METTL15: variants seen among roughly 807,000 people sequenced by gnomAD.
The protein encoded by METTL15 is 12S rRNA N(4)-cytidine methyltransferase METTL15.
A neutral mutation model predicts 38.3 loss-of-function variants in METTL15; 34 were observed. The ratio of observed to expected loss-of-function variants is 0.89; its 90% confidence interval spans 0.68 to 1.18. The LOEUF (loss-of-function observed/expected upper bound fraction) is 1.18. Among genes scored for constraint, METTL15 ranks in the 50% most tolerant of loss-of-function variants. The pLI is 0.00. For synonymous variants in METTL15, 162 were observed against 170.9 expected, an observed-to-expected ratio of 0.95 and a Z score of 0.41; for missense variants, 438 against 498.4, an observed-to-expected ratio of 0.88 and a Z score of 1.15.
chr11:28,286,373 CT>C (rs1476156921), intron 4 of METTL15, among the ~76,000 whole-genome samples: 1 of 152,144 alleles, frequency 6.6e-6, no homozygotes, highest in Non-Finnish European at 1.5e-5. Flanking sequence ...GGCACTGTAG[CT>C]TAGCCAAGTT....
chr11:28,276,793 AT>A (rs1855859473), intron 4 of METTL15, among the ~76,000 whole-genome samples: 1 of 152,202 alleles, frequency 6.6e-6, no homozygotes, highest in African/African-American at 2.4e-5. Flanking sequence ...CAGCCAGCTG[AT>A]CTTTGACAAA....
intron 6 of METTL15, among the ~76,000 whole-genome samples, chr11:28,438,662 TTTC>T (rs917557098): frequency 2.6e-4 from 40 of 151,086 alleles, no homozygotes; most frequent in Non-Finnish European, 4.3e-4. Context: ...TTTTTTCTTT[TTTC>T]TTTTTTCTTT....
intron 6 of METTL15, among the ~76,000 whole-genome samples, chr11:28,440,647 A>G (rs745744200): frequency 6.6e-6 from 1 of 152,258 alleles, no homozygotes; most frequent in Admixed American, 6.5e-5. Flanking sequence ...TAAGATGCTT[A>G]TCTATCTAAA....
intron 6 of METTL15, among the ~76,000 whole-genome samples, chr11:28,500,010 T>TA (rs1851569166): frequency 2.3e-5 from 1 of 43,438 alleles, no homozygotes; most frequent in Non-Finnish European, 7.0e-5. Flanking sequence ...GAATTGCTAT[T>TA]TTTTTTTTTT....
At chr11:28,495,474 G>T (rs1851528341) in intron 6 of METTL15, among the ~76,000 whole-genome samples, 1 of 152,120 alleles carries the variant, frequency 6.6e-6, no homozygotes, top group Admixed American at 6.5e-5. Context: ...TTGTAAGGGG[G>T]GTGTCCACTA....
At chr11:28,228,934 G>A (rs1853584690) in intron 4 of METTL15, among the ~76,000 whole-genome samples, 1 of 151,902 alleles carries the variant, frequency 6.6e-6, no homozygotes, top group Non-Finnish European at 1.5e-5. Flanking sequence ...CCCCACAGGT[G>A]AGAAAGTAGT....
intron 5 of METTL15, among the ~76,000 whole-genome samples, chr11:28,390,325 A>T (rs370111974): frequency 2.7e-5 from 4 of 150,798 alleles, no homozygotes; most frequent in African/African-American, 4.8e-5. Flanking sequence ...CTGAATGGTA[A>T]TGCCTAGGTT....
intron 3 of METTL15, among the ~76,000 whole-genome samples, chr11:28,157,210 A>G (rs1388698534): frequency 1.3e-5 from 2 of 152,156 alleles, no homozygotes; most frequent in Non-Finnish European, 2.9e-5. Flanking sequence ...TTGTAGACCT[A>G]TTTGCATTTT....
chr11:28,349,398 T>C (rs1489970952), intron 3 of METTL15, among the ~76,000 whole-genome samples: 1 of 152,200 alleles, frequency 6.6e-6, no homozygotes, highest in Non-Finnish European at 1.5e-5. Flanking sequence ...CACACAGGGC[T>C]GTTTGACAAT....
intron 6 of METTL15, among the ~76,000 whole-genome samples, chr11:28,459,159 G>C (rs1851194925): frequency 1.3e-5 from 2 of 151,540 alleles, no homozygotes; most frequent in South Asian, 4.1e-4. Context: ...ATCCAAAATG[G>C]TAATTCAGCA....
intron 5 of METTL15, among the ~76,000 whole-genome samples, chr11:28,382,947 T>G (rs1011395610): frequency 7.4e-6 from 1 of 134,974 alleles, no homozygotes; most frequent in African/African-American, 2.8e-5. Flanking sequence ...ATATTGGTGA[T>G]GGTGACAATC....
chr11:28,357,402 A>G (rs1850099345), intron 4 of METTL15, among the ~76,000 whole-genome samples: 1 of 152,196 alleles, frequency 6.6e-6, no homozygotes, highest in Non-Finnish European at 1.5e-5. Context: ...TTTTCACATA[A>G]AAGAAAGTTC....
intron 3 of METTL15, among the ~76,000 whole-genome samples, chr11:28,175,913 A>G (rs1851057218): frequency 6.7e-6 from 1 of 149,352 alleles, no homozygotes. Context: ...ATGTGCAAAT[A>G]TATATATATA....
chr11:28,311,988 C>G lies in METTL15; in HGVS notation c.778+15057C>G, dbSNP rs191429632. 4.6e-5 allele frequency among the ~76,000 whole-genome samples: 7 copies of G among 152,280 alleles called. No individual in the cohort carries two copies. The East Asian group carries it at 7.7e-4, about 17-fold the overall frequency. ...GACTGGGAACCTAAAGCTTAAGAAG[C>G]AATGTAAGAAAGCTGAGACAGAGGA... On this transcript the variant is annotated intron_variant, in intron 6 of 6. Coordinates refer to ENST00000407364, the MANE Select transcript of METTL15 (RefSeq NM_001113528.2).
chr11:28,429,974 A>C (rs1478265589), intron 6 of METTL15, among the ~76,000 whole-genome samples: 2 of 103,414 alleles, frequency 1.9e-5, no homozygotes, highest in African/African-American at 3.9e-5. Context: ...CCGGCCGCCC[A>C]TCGTCTGAGA....
At chr11:28,530,923 C>T (rs950889759), downstream of METTL15, among the ~76,000 whole-genome samples, 6 of 151,912 alleles carry the variant, frequency 3.9e-5, no homozygotes, top group Admixed American at 1.3e-4. Flanking sequence ...TGTACTACTT[C>T]TTGACAGGGA....
intron 6 of METTL15, among the ~76,000 whole-genome samples, chr11:28,432,502 G>T (rs1416324303): frequency 6.6e-6 from 1 of 152,178 alleles, no homozygotes; most frequent in East Asian, 1.9e-4. Flanking sequence ...GGCAAGAGGG[G>T]CGAATGCTCT....
intron 6 of METTL15, among the ~76,000 whole-genome samples, chr11:28,434,403 A>G (rs1850963590): frequency 6.6e-6 from 1 of 152,200 alleles, no homozygotes. Context: ...AGATGGCATA[A>G]TCACATCTCT....
In METTL15 at chr11:28,354,872, A is replaced by G. The variant is rs182668835; in HGVS notation, c.*258+2714A>G. Reference sequence around the variant, plus strand: ...CAACAAAAATGTTTAGAGAATCACTATGGAAGGGAGTAGGAGACATGGAAC... The same window carrying G: ...CAACAAAAATGTTTAGAGAATCACTGTGGAAGGGAGTAGGAGACATGGAAC... On this transcript the variant is annotated intron_variant and NMD_transcript_variant, in intron 4 of 7. Coordinates refer to the METTL15 transcript ENST00000532947. 4.1e-4 allele frequency among the ~76,000 whole-genome samples: 62 copies of G among 152,322 alleles called. 1 individual carries two copies. Among genetic ancestry groups the G allele is most frequent in the African/African-American group, 1.4e-3 (60 of 41,572 alleles).
Sources: gnomAD v4.1 joint callset for allele counts (sites outside exome capture counted in the v4.1 genomes callset) on GRCh38, gnomAD v4.1.1 for gene constraint, MANE v1.5 for transcripts, NCBI Gene and HGNC (gene_info 2026-07-23, HGNC 2026-07-21) for gene names.